The following SGCZ variants were observed in gnomAD, a reference collection of about 807,000 sequenced individuals.
The protein encoded by SGCZ is sarcoglycan zeta, also known as zeta-sarcoglycan.
SGCZ carries 40 observed loss-of-function variants against 41.3 expected under a neutral mutation model. The ratio of observed to expected loss-of-function variants is 0.97; its 90% CI spans 0.75 to 1.26. SGCZ has a LOEUF of 1.26. Among genes scored for constraint, SGCZ ranks in the 50% most tolerant of loss-of-function variants. The pLI, the probability that SGCZ is intolerant of heterozygous loss-of-function variation, is 0.00. For missense variants in SGCZ, 552 were observed against 369.8 expected (o/e 1.49, Z -4.04); for synonymous variants, 206 against 137.5 (o/e 1.50, Z -3.49).
At chr8:14,850,573 C>G (rs1010951157) in intron 1 of SGCZ, among the ~76,000 whole-genome samples, 2 of 152,102 alleles carry the variant, frequency 1.3e-5, no homozygotes, top group Non-Finnish European at 2.9e-5. Flanking sequence ...CATGGAGCTA[C>G]TTCATAGAAT....
At chr8:14,149,357 A>G (rs75927550) in intron 5 of SGCZ, among the ~76,000 whole-genome samples, 7,794 of 152,192 alleles carry the variant, frequency 0.051, 247 homozygotes, top group Admixed American at 0.088. Context: ...AACATACGAA[A>G]TTCAGTAGCA....
intron 1 of SGCZ, among the ~76,000 whole-genome samples, chr8:15,046,613 A>G (rs558585566): frequency 3.5e-4 from 53 of 152,090 alleles, no homozygotes; most frequent in African/African-American, 1.2e-3. Flanking sequence ...GCCCCAGTCC[A>G]AGAGTCATGA....
chr8:14,252,582 G>A (rs182185540), intron 3 of SGCZ, among the ~76,000 whole-genome samples: 2 of 152,118 alleles, frequency 1.3e-5, no homozygotes, highest in African/African-American at 2.4e-5. Context: ...AAGGAACCAG[G>A]ATTAAGGGTT....
At chr8:14,730,269 A>G (rs998989060) in intron 1 of SGCZ, among the ~76,000 whole-genome samples, 4 of 152,130 alleles carry the variant, frequency 2.6e-5, no homozygotes, top group Non-Finnish European at 5.9e-5. Flanking sequence ...TTGCTTATTC[A>G]TTTGAGAAAA....
chr8:14,774,608 A>T (rs964499729), intron 1 of SGCZ, among the ~76,000 whole-genome samples: 10 of 152,174 alleles, frequency 6.6e-5, no homozygotes, highest in Non-Finnish European at 1.2e-4. Flanking sequence ...CATTGAAATG[A>T]ATAATATGTG....
At chr8:15,146,358 C>G (rs551840124) in intron 1 of SGCZ, among the ~76,000 whole-genome samples, 176 of 152,112 alleles carry the variant, frequency 1.2e-3, no homozygotes, top group Admixed American at 1.8e-3. Context: ...TTTGAGGAAG[C>G]CAATTTTTAA....
chr8:15,079,605 T>C (rs1411512353), intron 1 of SGCZ, among the ~76,000 whole-genome samples: 2 of 152,234 alleles, frequency 1.3e-5, no homozygotes, highest in Non-Finnish European at 2.9e-5. Flanking sequence ...GTTTGGTGCA[T>C]TCATTTTGTA....
intron 1 of SGCZ, among the ~76,000 whole-genome samples, chr8:15,030,525 G>C (rs138217603): frequency 3.8e-4 from 58 of 152,198 alleles, no homozygotes; most frequent in African/African-American, 1.3e-3. Flanking sequence ...AGGACTTAGA[G>C]GATGTGGAAG....
At chr8:14,838,462 A>G (rs531773140) in intron 1 of SGCZ, among the ~76,000 whole-genome samples, 1 of 152,264 alleles carries the variant, frequency 6.6e-6, no homozygotes, top group East Asian at 1.9e-4. Flanking sequence ...GTACCCCAGA[A>G]GACAATATTC....
At chr8:15,152,834 A>C (rs1201817404) in intron 1 of SGCZ, among the ~76,000 whole-genome samples, 1 of 152,172 alleles carries the variant, frequency 6.6e-6, no homozygotes, top group East Asian at 1.9e-4. Context: ...ATATCAGATA[A>C]ACTGACTAAT....
chr8:15,205,604 A>G (rs1254053895), intron 1 of SGCZ, among the ~76,000 whole-genome samples: 1 of 152,166 alleles, frequency 6.6e-6, no homozygotes, highest in African/African-American at 2.4e-5. Flanking sequence ...TCAAAAAATA[A>G]CAGATGCTGG....
chr8:14,274,771 C>T (rs1800173543), intron 3 of SGCZ, among the ~76,000 whole-genome samples: 1 of 151,688 alleles, frequency 6.6e-6, no homozygotes, highest in South Asian at 2.1e-4. Flanking sequence ...ATTCATGCTT[C>T]TCAGGCATTG....
At chr8:14,611,469 C>T (rs771733141) in intron 1 of SGCZ, among the ~76,000 whole-genome samples, 9 of 151,992 alleles carry the variant, frequency 5.9e-5, no homozygotes, top group Non-Finnish European at 1.0e-4. Flanking sequence ...TCCATTTTAT[C>T]GGTCTCAGTG....
At chr8:14,514,808 T>C (rs1340536103) in intron 2 of SGCZ, among the ~76,000 whole-genome samples, 6 of 62,754 alleles carry the variant, frequency 9.6e-5, no homozygotes, top group Admixed American at 1.8e-4. Flanking sequence ...TGTGTGTGTG[T>C]GTGTGTATAT....
chr8:14,718,656 T>C (rs1809777033), intron 1 of SGCZ, among the ~76,000 whole-genome samples: 1 of 3,600 alleles, frequency 2.8e-4, no homozygotes, highest in Non-Finnish European at 1.1e-3. Context: ...GAGTATGCTA[T>C]AATAAAAAAA....
chr8:15,139,316 G>T (rs915031803), intron 1 of SGCZ, among the ~76,000 whole-genome samples: 1 of 151,946 alleles, frequency 6.6e-6, no homozygotes, highest in Admixed American at 6.6e-5. Flanking sequence ...GAGAGGACGG[G>T]GTATGTCTAA....
chr8:14,727,554 A>G (rs988325992), intron 1 of SGCZ, among the ~76,000 whole-genome samples: 2 of 150,204 alleles, frequency 1.3e-5, no homozygotes, highest in African/African-American at 4.9e-5. Flanking sequence ...TCTGTTGCCC[A>G]GGCTAGAGTG....
At chr8:14,321,808 G>T (rs567469092) in intron 3 of SGCZ, among the ~76,000 whole-genome samples, 113 of 152,158 alleles carry the variant, frequency 7.4e-4, no homozygotes, top group African/African-American at 2.7e-3. Context: ...TCCGTGAAAA[G>T]ATTGAAATGT....
intron 5 of SGCZ, among the ~76,000 whole-genome samples, chr8:14,108,484 T>C (rs1369776349): frequency 6.6e-6 from 1 of 152,052 alleles, no homozygotes; most frequent in Non-Finnish European, 1.5e-5. Flanking sequence ...AACAGGCACT[T>C]CATACATCGC....
Sources: allele counts gnomAD v4.1 joint callset (sites outside exome capture counted in the v4.1 genomes callset), GRCh38; gene constraint gnomAD v4.1.1; transcripts MANE v1.5; gene names NCBI Gene and HGNC (gene_info 2026-07-23, HGNC 2026-07-21).